The following CRISPLD2 variants were observed in gnomAD, a reference collection of about 807,000 sequenced individuals.
CRISPLD2 encodes cysteine-rich secretory protein LCCL domain-containing 2.
A neutral mutation model predicts 71.1 loss-of-function variants in CRISPLD2; 47 were observed. The ratio of observed to expected loss-of-function variants is 0.66; its 90% CI spans 0.52 to 0.84. The LOEUF is 0.84. Among genes scored for constraint, CRISPLD2 ranks in the 40% least tolerant of loss-of-function variants. The probability of loss-of-function intolerance (pLI) is 0.00; values close to 1 mark genes in which losing one functional copy is unlikely to be tolerated. For missense variants in CRISPLD2, 830 were observed against 651.1 expected, an observed-to-expected ratio of 1.27 and a Z score of -2.99; for synonymous variants, 317 against 250.1, an observed-to-expected ratio of 1.27 and a Z score of -2.52.
chr16:84,900,465 A>G (rs2071743397), intron 14 of CRISPLD2, among the ~76,000 whole-genome samples: 1 of 152,080 alleles, frequency 6.6e-6, no homozygotes, highest in Non-Finnish European at 1.5e-5. Context: ...GCAAGATGCA[A>G]ATGAAAATGA....
chr16:84,863,697 C>T (rs139435300), intron 6 of CRISPLD2, among the ~76,000 whole-genome samples: 1,554 of 152,180 alleles, frequency 0.01, 18 homozygotes, highest in African/African-American at 0.035. Flanking sequence ...TGGCCGGGCG[C>T]GGTGGCTCAT....
chr16:84,863,479 G>A (rs375482915), intron 6 of CRISPLD2, among the ~76,000 whole-genome samples: 2 of 152,178 alleles, frequency 1.3e-5, no homozygotes, highest in African/African-American at 4.8e-5. Context: ...TAAAAAAAGA[G>A]GTATTCTCCC....
chr16:84,822,987 C>T (rs368761703), intron 1 of CRISPLD2, among the ~76,000 whole-genome samples: 1 of 152,204 alleles, frequency 6.6e-6, no homozygotes, highest in Non-Finnish European at 1.5e-5. Context: ...TTCATCATCT[C>T]GTAAGGAAAC....
chr16:84,823,778 A>G (rs1339155838), intron 1 of CRISPLD2, among the ~76,000 whole-genome samples: 1 of 152,178 alleles, frequency 6.6e-6, no homozygotes, highest in African/African-American at 2.4e-5. Flanking sequence ...AGGGAAAAAA[A>G]ACGTCCTGAT....
chr16:84,843,403 T>C (rs1330380175), intron 2 of CRISPLD2, among the ~76,000 whole-genome samples: 1 of 152,204 alleles, frequency 6.6e-6, no homozygotes, highest in Non-Finnish European at 1.5e-5. Context: ...GAAACAGCCT[T>C]AGCACTGAAA....
chr16:84,896,725 G>A (rs755737913), intron 14 of CRISPLD2, among the ~76,000 whole-genome samples: 11 of 152,146 alleles, frequency 7.2e-5, no homozygotes, highest in Non-Finnish European at 1.0e-4. Flanking sequence ...GCGACCCACC[G>A]TAAGTCAGGG....
chr16:84,874,429 A>C (rs542162550), intron 11 of CRISPLD2, among the ~76,000 whole-genome samples: 3 of 152,232 alleles, frequency 2.0e-5, no homozygotes, highest in Non-Finnish European at 1.5e-5. Flanking sequence ...TCTCTGGCCC[A>C]GCTTTTTACA....
At chr16:84,874,520 A>G (rs1290191294) in intron 11 of CRISPLD2, among the ~76,000 whole-genome samples, 4 of 152,220 alleles carry the variant, frequency 2.6e-5, no homozygotes, top group Non-Finnish European at 2.9e-5. Flanking sequence ...GATGGATCAT[A>G]GCTGCCCACA....
chr16:84,838,298 T>A (rs1567681432), intron 1 of CRISPLD2, 124 bp from the exon 2 acceptor site: 36 of 640,666 alleles, frequency 5.6e-5, no homozygotes, highest in Admixed American at 8.6e-5. Context: ...TTAGCTTCTG[T>A]GGGCCTCAGT....
In CRISPLD2 at chr16:84,873,891, CCG is replaced by C. The variant is rs1491304291; in HGVS notation, c.1113-28_1113-27del. The C allele has an allele frequency of 1.2e-5, 18 of 1,458,858 alleles. No homozygotes were observed. The African/African-American group carries it at 1.9e-4, about 15-fold the overall frequency. 90.4% of individuals were successfully genotyped at this position (1,458,858 alleles called of 1,614,324 possible). A position where few individuals can be genotyped will look rare whatever the true frequency, so the allele number is the denominator to read the frequency against. ...AATTCTATTTGCATTTACCTAATGC[CCG>C]TTTTTTTTTTTTTTTTTTTTAAACA... On this transcript the variant is annotated intron_variant, in intron 10 of 14. Transcript: ENST00000262424.
intron 11 of CRISPLD2, 25 bp from the exon 12 acceptor site, chr16:84,877,413 C>T (rs374935664): frequency 1.9e-6 from 3 of 1,611,626 alleles, no homozygotes; most frequent in African/African-American, 2.7e-5. Flanking sequence ...GGACCTGACC[C>T]TTTCCCCCTT....
chr16:84,882,371 A>AAAAAAAAAAAGAAAT (rs368239840), intron 13 of CRISPLD2, among the ~76,000 whole-genome samples: 14 of 114,170 alleles, frequency 1.2e-4, no homozygotes, highest in African/African-American at 4.4e-4. Flanking sequence ...AAAAAAAAAA[A>AAAAAAAAAAAGAAAT]GCAAGAACTT....
At chr16:84,836,021 T>G (rs1176998724) in intron 1 of CRISPLD2, among the ~76,000 whole-genome samples, 5 of 152,202 alleles carry the variant, frequency 3.3e-5, no homozygotes, top group African/African-American at 1.2e-4. Flanking sequence ...AAGCCACGTG[T>G]GGAAAATTCC....
intron 14 of CRISPLD2, among the ~76,000 whole-genome samples, chr16:84,898,309 C>T (rs924391416): frequency 1.3e-5 from 2 of 152,176 alleles, no homozygotes; most frequent in Admixed American, 6.5e-5. Context: ...TTCCATTGTA[C>T]TAAGAATCAA....
intron 14 of CRISPLD2, among the ~76,000 whole-genome samples, chr16:84,905,707 CT>C (rs36068463): frequency 0.53 from 61,782 of 115,916 alleles, 15,303 homozygotes; most frequent in East Asian, 0.59. Flanking sequence ...CAATAAAGCT[CT>C]TTTTTTTTTT....
intron 14 of CRISPLD2, among the ~76,000 whole-genome samples, chr16:84,890,101 G>A (rs2071648283): frequency 6.6e-6 from 1 of 152,196 alleles, no homozygotes. Context: ...GCTCACGCCT[G>A]TAATCCCAGC....
rs79668783 is a variant in CRISPLD2 at position 84,822,086 on chromosome 16, C to T, written c.-75+1953C>T. The stretch of plus-strand genomic sequence containing the variant: ...CTGTGCCATGTGGGAGTTTTTTTAA[C>T]GTTGGCAGGGATCTGGGTCCCTGGT... On this transcript the variant is annotated intron_variant, in intron 1 of 14. Coordinates refer to ENST00000262424, the MANE Select transcript of CRISPLD2 (RefSeq NM_031476.4). Among the ~76,000 whole-genome samples the T allele has an allele frequency of 4.9e-3, 743 of 152,218 alleles. 10 individuals carry two copies. The highest frequency in any genetic ancestry group is 0.017 in the African/African-American group (702 of 41,536).
Position 84,867,059 on chromosome 16 carries a change from C to A in CRISPLD2, c.853+19C>A. The A allele has an allele frequency of 6.2e-7, 1 of 1,607,716 alleles. No homozygotes were observed. Among genetic ancestry groups the A allele is most frequent in the Non-Finnish European group, 8.5e-7 (1 of 1,174,708 alleles). On this transcript the variant is annotated intron_variant, in intron 7 of 14. Coordinates refer to ENST00000262424, the MANE Select transcript of CRISPLD2 (RefSeq NM_031476.4). ...TACATGAGTGAGTCTAGGCCGTCCT[C>A]CGCCCCTCCTGCCCTCCCAGCCACC...
intron 1 of CRISPLD2, among the ~76,000 whole-genome samples, chr16:84,835,007 C>G (rs1597447894): frequency 6.6e-6 from 1 of 152,216 alleles, no homozygotes; most frequent in Admixed American, 6.5e-5. Context: ...AAACCCATAG[C>G]TGTGTGCTTG....
Sources: allele counts gnomAD v4.1 joint callset (sites outside exome capture counted in the v4.1 genomes callset), GRCh38; gene constraint gnomAD v4.1.1; transcripts MANE v1.5; gene names NCBI Gene and HGNC (gene_info 2026-07-23, HGNC 2026-07-21).